KIRREL3: variants seen among roughly 807,000 people sequenced by gnomAD.
The protein encoded by KIRREL3 is kirre like nephrin family adhesion molecule 3.
KIRREL3 carries 36 observed loss-of-function variants against 89.7 expected under a neutral mutation model. The observed-to-expected ratio is 0.40, with a 90% CI of 0.31 to 0.53. The LOEUF (loss-of-function observed/expected upper bound fraction) is 0.53. Among genes scored for constraint, KIRREL3 ranks in the 20% least tolerant of loss-of-function variants. The probability of loss-of-function intolerance (pLI) is 0.49; values close to 1 mark genes in which losing one functional copy is unlikely to be tolerated. For missense variants in KIRREL3, 864 were observed against 1,056.6 expected (o/e 0.82, Z 2.53); for synonymous variants, 445 against 441.4 (o/e 1.01, Z -0.10).
At chr11:126,957,601 G>C (rs538971703) in intron 1 of KIRREL3, among the ~76,000 whole-genome samples, 28 of 152,188 alleles carry the variant, frequency 1.8e-4, no homozygotes, top group Non-Finnish European at 2.6e-4. Flanking sequence ...TAGTGAGTTG[G>C]ACTATGGCAG....
chr11:126,449,309 G>A (rs1316702756), intron 7 of KIRREL3, among the ~76,000 whole-genome samples, 152 bp from the exon 8 acceptor site: 2 of 152,326 alleles, frequency 1.3e-5, no homozygotes, highest in Admixed American at 6.5e-5. Context: ...TTCACAGAGG[G>A]GCTACTTCAA....
rs371151905 is a variant in KIRREL3, at chr11:126,436,989, G to A, written c.1374C>T (p.Asn458=). ...PDRIAWSWKE[N]VLESGTSGRY... ...GCCCCGATGTGCCCGACTCCAGAAC[G>A]TTCTCCTTCCAGGACCAGGCCTGCC... The change falls in exon 12 of 17, where the codon AAC becomes AAT. Residue 458 remains asparagine (N), a synonymous_variant. Coordinates refer to ENST00000525144, the MANE Select transcript of KIRREL3 (RefSeq NM_032531.4). 1.9e-4 allele frequency: 297 copies of A among 1,560,912 alleles called. No homozygotes were observed. The highest frequency in any genetic ancestry group is 2.3e-4 in the Non-Finnish European group (267 of 1,147,678).
chr11:126,845,982 C>T (rs921043351), intron 1 of KIRREL3, among the ~76,000 whole-genome samples: 4 of 152,140 alleles, frequency 2.6e-5, no homozygotes, highest in Non-Finnish European at 5.9e-5. Flanking sequence ...CTCTGTTTTC[C>T]TCATGGAACC....
At chr11:126,672,312 T>C (rs1465911582) in intron 1 of KIRREL3, among the ~76,000 whole-genome samples, 3 of 152,184 alleles carry the variant, frequency 2.0e-5, no homozygotes, top group Admixed American at 6.5e-5. Context: ...AAGAGATACA[T>C]GAAACCAGCA....
At position 126,576,701 on chromosome 11, in the gene KIRREL3, C is replaced by G. The variant is rs1941271655; in HGVS notation, c.56-13789G>C. Among the ~76,000 whole-genome samples, 1 of 152,176 alleles carries G rather than the reference C, an allele frequency of 6.6e-6. No homozygotes were observed. Among genetic ancestry groups the G allele is most frequent in the Admixed American group, 6.5e-5 (1 of 15,278 alleles). The stretch of plus-strand genomic sequence containing the variant: ...GTTGGTTTGAATGTGGGTGCACGTG[C>G]ATGTATGAGTTCATTAATTTGCTTC... On this transcript the variant is annotated intron_variant, in intron 1 of 16. Coordinates refer to ENST00000525144, the MANE Select transcript of KIRREL3 (RefSeq NM_032531.4). The surrounding 1 kb of genome is among the most constrained non-coding windows in gnomAD (Gnocchi z 5.4).
In KIRREL3 at chr11:126,917,921, G is replaced by T. The variant is rs555460482; in HGVS notation, c.55+82534C>A. Among the ~76,000 whole-genome samples the T allele has an allele frequency of 3.3e-5, 5 of 152,288 alleles. No homozygotes were observed. Among genetic ancestry groups the T allele is most frequent in the African/African-American group, 1.2e-4 (5 of 41,558 alleles). On this transcript the variant is annotated intron_variant, in intron 1 of 16. Transcript: ENST00000525144. This position sits in a 1 kb window ranked among gnomAD's most constrained non-coding sequence, Gnocchi z 5.0. The stretch of plus-strand genomic sequence containing the variant: ...GTAATTGTTGAACTCGATTTCACTT[G>T]GTGTGTGATGACACATCTTACAGTG...
At position 126,575,338 on chromosome 11, in the gene KIRREL3, C is replaced by A. The variant is rs947119758; in HGVS notation, c.56-12426G>T. 6.6e-6 allele frequency among the ~76,000 whole-genome samples: 1 copy of A among 152,142 alleles called. No individual in the cohort carries two copies. Among genetic ancestry groups the A allele is most frequent in the Non-Finnish European group, 1.5e-5 (1 of 68,036 alleles). On this transcript the variant is annotated intron_variant, in intron 1 of 16. Transcript: ENST00000525144. The surrounding 1 kb of genome is among the most constrained non-coding windows in gnomAD (Gnocchi z 7.0). Reference sequence around the variant, plus strand: ...CCTTCTCACAGTAGTGTGGGTGTCACAACCACCTCTTAGCTCTTGATCAGA... The same window carrying A: ...CCTTCTCACAGTAGTGTGGGTGTCAAAACCACCTCTTAGCTCTTGATCAGA...
At position 126,708,055 on chromosome 11, in the gene KIRREL3, G is replaced by A. The variant is rs547077572; in HGVS notation, c.56-145143C>T. Among the ~76,000 whole-genome samples, 14 of 152,258 alleles carry A rather than the reference G, an allele frequency of 9.2e-5. No individual in the cohort carries two copies. The highest frequency in any genetic ancestry group is 2.9e-4 in the African/African-American group (12 of 41,540). On this transcript the variant is annotated intron_variant, in intron 1 of 16. Coordinates refer to ENST00000525144, the MANE Select transcript of KIRREL3 (RefSeq NM_032531.4). This position sits in a 1 kb window ranked among gnomAD's most constrained non-coding sequence, Gnocchi z 5.7. ...ACTCCCCTCCGCATCCCTGAAGCAG[G>A]TGATGATCTCCATAGGTCCCAGGGT...
rs141564119 is a variant in KIRREL3, at chr11:126,462,724, C to T, written c.742+433G>A. On this transcript the variant is annotated intron_variant, in intron 6 of 16. Coordinates refer to ENST00000525144, the MANE Select transcript of KIRREL3 (RefSeq NM_032531.4). The surrounding 1 kb of genome is among the most constrained non-coding windows in gnomAD (Gnocchi z 4.8). ...CATGTAGATTTCCTTCTTCTTGTCC[C>T]CTTGATCAACCCTTCCATGAGAGTG... is the stretch of plus-strand genomic sequence containing the variant. Among the ~76,000 whole-genome samples the T allele has an allele frequency of 2.6e-5, 4 of 152,208 alleles. No individual in the cohort carries two copies. Among genetic ancestry groups the T allele is most frequent in the African/African-American group, 7.2e-5 (3 of 41,518 alleles).
rs569668858 is a variant in KIRREL3 at position 126,557,393 on chromosome 11, G to T, written c.133+5442C>A. ...TTTAAAATTATGGGATGGGCTGTGA[G>T]AACAGGGTGTGGGCTGGGTGTTGAG... On this transcript the variant is annotated intron_variant, in intron 2 of 16. Transcript: ENST00000525144. This position sits in a 1 kb window ranked among gnomAD's most constrained non-coding sequence, Gnocchi z 5.6. Among the ~76,000 whole-genome samples, 17 of 152,350 alleles carry T rather than the reference G, an allele frequency of 1.1e-4. No homozygotes were observed. The highest frequency in any genetic ancestry group is 3.6e-4 in the African/African-American group (15 of 41,586).
At position 126,521,211 on chromosome 11, in the gene KIRREL3, C is replaced by T. The variant is rs1958574771; in HGVS notation, c.433+104G>A. 1 of 1,247,674 alleles carries T rather than the reference C, an allele frequency of 8.0e-7. No homozygotes were observed. The highest frequency in any genetic ancestry group is 1.5e-5 in the African/African-American group (1 of 65,738). 77.3% of individuals were successfully genotyped at this position (1,247,674 alleles called of 1,614,324 possible). A position where few individuals can be genotyped will look rare whatever the true frequency, so the allele number is the denominator to read the frequency against. ...GTGTCTGGAGCCCTGTGGGATGATCCCCAGAGGGGAGTCTCCCCATGTCTG... is the reference window on the plus strand; with the variant it reads ...GTGTCTGGAGCCCTGTGGGATGATCTCCAGAGGGGAGTCTCCCCATGTCTG... On this transcript the variant is annotated intron_variant, in intron 4 of 16. Transcript: ENST00000525144. The surrounding 1 kb of genome is among the most constrained non-coding windows in gnomAD (Gnocchi z 4.1).
chr11:126,762,862 G>T (rs1292971977), intron 1 of KIRREL3, among the ~76,000 whole-genome samples: 3 of 151,968 alleles, frequency 2.0e-5, no homozygotes, highest in Non-Finnish European at 2.9e-5. Flanking sequence ...TGCCAAGTGG[G>T]GTCTCGAGCA....
rs547031894 is a variant in KIRREL3, at chr11:126,614,754, G to C, written c.56-51842C>G. Among the ~76,000 whole-genome samples, 1 of 152,194 alleles carries C rather than the reference G, an allele frequency of 6.6e-6. No homozygotes were observed. ...GGATTGTGATTCTGTGCTGGGGTTCGAGGTGTCTCCGCTGGGAGACTCTGG... is the reference window on the plus strand; with the variant it reads ...GGATTGTGATTCTGTGCTGGGGTTCCAGGTGTCTCCGCTGGGAGACTCTGG... On this transcript the variant is annotated intron_variant, in intron 1 of 16. Transcript: ENST00000525144. This position sits in a 1 kb window ranked among gnomAD's most constrained non-coding sequence, Gnocchi z 4.6.
chr11:126,889,899 A>C (rs759325856), intron 1 of KIRREL3, among the ~76,000 whole-genome samples: 7 of 152,208 alleles, frequency 4.6e-5, no homozygotes, highest in Non-Finnish European at 8.8e-5. Context: ...TATTTTTCTA[A>C]CATTCTTCGC....
Position 126,890,060 on chromosome 11 carries a change from C to A in KIRREL3, c.55+110395G>T, listed in dbSNP as rs1423658265. Among the ~76,000 whole-genome samples, 1 of 152,200 alleles carries A rather than the reference C, an allele frequency of 6.6e-6. No homozygotes were observed. The highest frequency in any genetic ancestry group is 1.5e-5 in the Non-Finnish European group (1 of 68,034). On this transcript the variant is annotated intron_variant, in intron 1 of 16. Transcript: ENST00000525144. This position sits in a 1 kb window ranked among gnomAD's most constrained non-coding sequence, Gnocchi z 5.1. ...AACCCCCAGCCACAATCACAAATAA[C>A]TATCTGGTGGAGGATCTTGTGTCCT...
intron 1 of KIRREL3, among the ~76,000 whole-genome samples, chr11:126,815,771 G>A (rs1592167170): frequency 2.0e-5 from 3 of 152,114 alleles, no homozygotes; most frequent in African/African-American, 7.2e-5. Context: ...TCCTGACCTC[G>A]TGATCTGCCC....
At chr11:126,774,260 G>C (rs985998823) in intron 1 of KIRREL3, among the ~76,000 whole-genome samples, 1 of 150,714 alleles carries the variant, frequency 6.6e-6, no homozygotes, top group African/African-American at 2.5e-5. Flanking sequence ...AACCCTGCAG[G>C]AAAATAGGCC....
intron 1 of KIRREL3, among the ~76,000 whole-genome samples, chr11:126,809,564 C>T (rs2134418388): frequency 6.6e-6 from 1 of 152,176 alleles, no homozygotes; most frequent in East Asian, 1.9e-4. Context: ...TATTCTCATT[C>T]CTTTGTCTTT....
chr11:126,490,575 G>A lies in KIRREL3; in HGVS notation c.434-17109C>T, dbSNP rs537521010. ...CCTGGGAGCGACTCCTGGACTCCCG[G>A]TTCCAGGCTGCATGGCCTTGGATAC... On this transcript the variant is annotated intron_variant, in intron 4 of 16. Transcript: ENST00000525144. This position sits in a 1 kb window ranked among gnomAD's most constrained non-coding sequence, Gnocchi z 4.2. 6.6e-6 allele frequency among the ~76,000 whole-genome samples: 1 copy of A among 152,326 alleles called. No individual in the cohort carries two copies. Among genetic ancestry groups the A allele is most frequent in the South Asian group, 2.1e-4 (1 of 4,822 alleles).
Sources: gnomAD v4.1 joint callset for allele counts (sites outside exome capture counted in the v4.1 genomes callset) on GRCh38, gnomAD v4.1.1 for gene constraint, Gnocchi (gnomAD v3.1) non-coding constraint, MANE v1.5 for transcripts, NCBI Gene and HGNC (gene_info 2026-07-23, HGNC 2026-07-21) for gene names.